The following TRHDE variants were observed in gnomAD, a reference collection of about 807,000 sequenced individuals.
The protein encoded by TRHDE is thyrotropin-releasing hormone-degrading ectoenzyme.
In TRHDE, 72 loss-of-function variants were observed where a neutral mutation model predicts 125.7. The observed-to-expected ratio is 0.57, with a 90% CI of 0.47 to 0.70. The LOEUF (loss-of-function observed/expected upper bound fraction) is 0.70, where lower values mean the gene tolerates loss of function less well. TRHDE is among the 30% of genes least tolerant of loss of function. TRHDE has a pLI of 0.00. For missense variants in TRHDE, 1,110 were observed against 1,327.1 expected (o/e 0.84, Z 2.54); for synonymous variants, 509 against 509.1 (o/e 1.00, Z 0.00).
intron 2 of TRHDE, among the ~76,000 whole-genome samples, chr12:72,345,106 G>T (rs1242017327): frequency 1.3e-5 from 2 of 152,046 alleles, no homozygotes; most frequent in Non-Finnish European, 2.9e-5. Flanking sequence ...AATGAGGAGT[G>T]CAACTATTAC....
intron 9 of TRHDE, 78 bp from the exon 10 acceptor site, chr12:72,568,490 A>G (rs138307497): frequency 3.0e-6 from 3 of 991,968 alleles, no homozygotes; most frequent in African/African-American, 3.2e-5. Context: ...AATCACACAG[A>G]AGGCGCATGG....
intron 3 of TRHDE, among the ~76,000 whole-genome samples, chr12:72,437,784 GA>G (rs1279710380): frequency 6.6e-6 from 1 of 151,424 alleles, no homozygotes. Context: ...TTTATGGTGC[GA>G]ACACTTTATA....
At chr12:72,533,013 A>G (rs905358023) in intron 6 of TRHDE, among the ~76,000 whole-genome samples, 3 of 152,058 alleles carry the variant, frequency 2.0e-5, no homozygotes, top group African/African-American at 7.2e-5. Flanking sequence ...ATAGTACTTT[A>G]TCTAAAACAA....
intron 4 of TRHDE, among the ~76,000 whole-genome samples, chr12:72,472,637 G>GTT (rs1338809636): frequency 6.6e-6 from 1 of 152,144 alleles, no homozygotes; most frequent in Non-Finnish European, 1.5e-5. Flanking sequence ...ATCTCAGTCT[G>GTT]TTAGAGGGTT....
chr12:72,334,339 G>T (rs1228279538), intron 2 of TRHDE, among the ~76,000 whole-genome samples: 1 of 152,222 alleles, frequency 6.6e-6, no homozygotes, highest in East Asian at 1.9e-4. Flanking sequence ...TAAGAACAGT[G>T]TATTTTCCAA....
chr12:72,305,340 C>T (rs914145007), intron 2 of TRHDE, among the ~76,000 whole-genome samples: 1 of 152,126 alleles, frequency 6.6e-6, no homozygotes, highest in African/African-American at 2.4e-5. Flanking sequence ...TACTAAATCC[C>T]ACTAAAAGGC....
At position 72,621,211 on chromosome 12, in the gene TRHDE, G is replaced by A. The variant is rs763472241; in HGVS notation, c.2567+6G>A. On this transcript the variant is annotated splice_donor_region_variant and intron_variant, in intron 14 of 18. Transcript: ENST00000261180. The stretch of plus-strand genomic sequence containing the variant: ...CAAGCATCCTACCAACATGAGTACT[G>A]TTTTATTTTCTTATCCTCTTCTTTA... 2 of 1,585,310 alleles carry A rather than the reference G, an allele frequency of 1.3e-6. No homozygotes were observed. Among genetic ancestry groups the A allele is most frequent in the South Asian group, 2.2e-5 (2 of 90,414 alleles).
chr12:72,175,122 C>A (rs1876959084), intron 2 of TRHDE, among the ~76,000 whole-genome samples: 1 of 152,076 alleles, frequency 6.6e-6, no homozygotes, highest in Non-Finnish European at 1.5e-5. Context: ...ATAGTTGAAA[C>A]TTTATGCTCA....
chr12:72,099,080 G>A (rs1165201474), intron 1 of TRHDE, among the ~76,000 whole-genome samples: 8 of 151,814 alleles, frequency 5.3e-5, no homozygotes, highest in South Asian at 2.1e-4. Context: ...CAGGAGAATC[G>A]CTTGAACCCG....
chr12:72,320,624 A>G (rs1185870121), intron 2 of TRHDE, among the ~76,000 whole-genome samples: 1 of 151,838 alleles, frequency 6.6e-6, no homozygotes, highest in African/African-American at 2.4e-5. Context: ...TGTGAAATAT[A>G]AAAATAAAAG....
chr12:72,157,077 G>A (rs1348878574), intron 2 of TRHDE, among the ~76,000 whole-genome samples: 2 of 152,012 alleles, frequency 1.3e-5, no homozygotes, highest in East Asian at 3.9e-4. Context: ...ATTGTTCTGG[G>A]CAGAGGAAAT....
At position 72,662,928 on chromosome 12, in the gene TRHDE, G is replaced by C. The variant is rs564696212; in HGVS notation, c.3067-124G>C. On this transcript the variant is annotated intron_variant, in intron 18 of 18. Transcript: ENST00000261180. ...AGTACTAAATATATCTTCTATAGTG[G>C]TCATGGCATTTTGTTTCAAATATAT... is the stretch of plus-strand genomic sequence containing the variant. The C allele has an allele frequency of 2.4e-5, 23 of 964,374 alleles. No individual in the cohort carries two copies. The African/African-American group carries it at 3.4e-4, about 14-fold the overall frequency. 59.7% of individuals were successfully genotyped at this position (964,374 alleles called of 1,614,324 possible). A position where few individuals can be genotyped will look rare whatever the true frequency, so the allele number is the denominator to read the frequency against.
chr12:72,194,379 C>T (rs1877397413), intron 2 of TRHDE, among the ~76,000 whole-genome samples: 1 of 152,092 alleles, frequency 6.6e-6, no homozygotes, highest in South Asian at 2.1e-4. Flanking sequence ...CTTGTTTTTA[C>T]ACTTGCCCAA....
intron 5 of TRHDE, among the ~76,000 whole-genome samples, chr12:72,482,689 T>C (rs1032893280): frequency 1.3e-5 from 2 of 151,948 alleles, no homozygotes; most frequent in African/African-American, 4.8e-5. Context: ...AATATTTTCA[T>C]CTAAATATTG....
intron 2 of TRHDE, among the ~76,000 whole-genome samples, chr12:72,372,223 A>C (rs1473669916): frequency 6.6e-6 from 1 of 150,578 alleles, no homozygotes; most frequent in African/African-American, 2.4e-5. Flanking sequence ...TCCTTTGCCC[A>C]CTTTTCGATG....
upstream of TRHDE, among the ~76,000 whole-genome samples, chr12:72,268,392 AG>A (rs1879116000): frequency 6.6e-6 from 1 of 152,178 alleles, no homozygotes; most frequent in East Asian, 1.9e-4. Context: ...GAACATAAAG[AG>A]GGTAGTATGT....
At chr12:72,099,854 T>C (rs1190579494) in intron 1 of TRHDE, among the ~76,000 whole-genome samples, 1 of 152,222 alleles carries the variant, frequency 6.6e-6, no homozygotes, top group African/African-American at 2.4e-5. Flanking sequence ...ATCATTTTGA[T>C]TTTTATGTTG....
intron 3 of TRHDE, among the ~76,000 whole-genome samples, chr12:72,428,963 TAGA>T (rs1243224314): frequency 1.3e-5 from 2 of 152,062 alleles, no homozygotes; most frequent in African/African-American, 4.8e-5. Flanking sequence ...TTCCATTGTA[TAGA>T]TATACCACGT....
chr12:72,508,648 T>C (rs920298323), intron 6 of TRHDE, among the ~76,000 whole-genome samples: 4 of 152,146 alleles, frequency 2.6e-5, no homozygotes, highest in African/African-American at 7.2e-5. Context: ...AGACTTTGGA[T>C]TGTGGACTTT....
Sources: allele counts gnomAD v4.1 joint callset (sites outside exome capture counted in the v4.1 genomes callset), GRCh38; gene constraint gnomAD v4.1.1; transcripts MANE v1.5; gene names NCBI Gene and HGNC (gene_info 2026-07-23, HGNC 2026-07-21).